The following DCAF8L2 variants were observed in gnomAD, a reference collection of about 807,000 sequenced individuals.
The protein encoded by DCAF8L2 is DDB1- and CUL4-associated factor 8-like protein 2.
For missense variants in DCAF8L2, 430 were observed against 490.7 expected (o/e 0.88, Z 1.17); for synonymous variants, 200 against 190.9 (o/e 1.05, Z -0.39).
chrX:27,692,722 C>G (rs749986568), intron 3 of DCAF8L2, among the ~76,000 whole-genome samples: 1 of 111,456 alleles, frequency 9.0e-6, no homozygotes, highest in African/African-American at 3.3e-5. Flanking sequence ...TATCCTTAAC[C>G]TAGTAGTTTT....
intron 1 of DCAF8L2, among the ~76,000 whole-genome samples, chrX:27,630,526 A>G (rs1339763766): frequency 9.8e-6 from 1 of 102,041 alleles, no homozygotes; most frequent in Admixed American, 1.1e-4. Flanking sequence ...TTATGATACC[A>G]TCATTACATA....
At chrX:27,576,588 T>C in the DCAF8L2 span, among the ~76,000 whole-genome samples, 1 of 111,979 alleles carries the variant, frequency 8.9e-6, no homozygotes, top group Middle Eastern at 4.7e-3. Flanking sequence ...GGCTATATTT[T>C]ATCTCAGCAA....
the DCAF8L2 span, among the ~76,000 whole-genome samples, chrX:27,560,914 T>G: frequency 8.9e-6 from 1 of 112,356 alleles, no homozygotes; most frequent in Non-Finnish European, 1.9e-5. Context: ...TTGCCAAATC[T>G]TATGGCCTAA....
intron 2 of DCAF8L2, among the ~76,000 whole-genome samples, chrX:27,661,612 T>C (rs970412553): frequency 8.9e-6 from 1 of 112,201 alleles, no homozygotes; most frequent in Non-Finnish European, 1.9e-5. Context: ...TATCTAAGTC[T>C]ATATTATTAC....
At chrX:27,737,706 G>A (rs1490196914) in intron 4 of DCAF8L2, among the ~76,000 whole-genome samples, 1 of 84,835 alleles carries the variant, frequency 1.2e-5, no homozygotes, top group African/African-American at 5.0e-5. Context: ...CTAGAATATA[G>A]AGAATCTTTT....
At chrX:27,512,784 A>AC in the DCAF8L2 span, among the ~76,000 whole-genome samples, 11 of 75,936 alleles carry the variant, frequency 1.4e-4, 1 homozygote, top group African/African-American at 5.1e-4. Context: ...TTGAGCAAAA[A>AC]AAAAAAAAAA....
At chrX:27,624,011 A>G (rs765662147) in intron 1 of DCAF8L2, among the ~76,000 whole-genome samples, 21 of 111,900 alleles carry the variant, frequency 1.9e-4, no homozygotes, top group Non-Finnish European at 3.6e-4. Context: ...AACCAATGGA[A>G]TTGGAATTAT....
the DCAF8L2 span, among the ~76,000 whole-genome samples, chrX:27,499,797 G>A: frequency 1.9e-5 from 2 of 106,920 alleles, no homozygotes; most frequent in African/African-American, 3.4e-5. Context: ...GGTCCCACCC[G>A]CAACACTGAG....
intron 4 of DCAF8L2, among the ~76,000 whole-genome samples, chrX:27,726,491 G>A (rs1323383352): frequency 9.1e-6 from 1 of 110,036 alleles, no homozygotes; most frequent in East Asian, 2.9e-4. Context: ...TATGTGTAGA[G>A]CATTAGTTAT....
chrX:27,744,582 T>A (rs971035766), intron 4 of DCAF8L2, among the ~76,000 whole-genome samples: 2 of 111,360 alleles, frequency 1.8e-5, no homozygotes, highest in Non-Finnish European at 3.8e-5. Flanking sequence ...AAAATAAATA[T>A]ATTTTAATGA....
chrX:27,497,505 T>C, the DCAF8L2 span, among the ~76,000 whole-genome samples: 115 of 23,356 alleles, frequency 4.9e-3, no homozygotes, highest in Middle Eastern at 0.016. Flanking sequence ...TTATTCTTTC[T>C]TTCTTTCCTT....
chrX:27,495,204 C>T, the DCAF8L2 span, among the ~76,000 whole-genome samples: 1 of 111,812 alleles, frequency 8.9e-6, no homozygotes, highest in African/African-American at 3.2e-5. Flanking sequence ...TTTGTCAAAA[C>T]TCAGTTGATC....
the DCAF8L2 span, chrX:27,517,891 C>T: frequency 2.7e-6 from 3 of 1,127,807 alleles, no homozygotes. Context: ...GTGCCCAATA[C>T]AACTGGCAGA....
intron 2 of DCAF8L2, among the ~76,000 whole-genome samples, chrX:27,674,587 G>A (rs908800734): frequency 4.5e-5 from 5 of 110,931 alleles, no homozygotes; most frequent in Non-Finnish European, 9.4e-5. Context: ...TGAAGCCGTT[G>A]TACAATAATG....
chrX:27,554,092 T>G, the DCAF8L2 span, among the ~76,000 whole-genome samples: 1 of 111,870 alleles, frequency 8.9e-6, no homozygotes, highest in Non-Finnish European at 1.9e-5. Flanking sequence ...TTAAAAGGTT[T>G]TAAAAGAAGA....
chrX:27,602,030 A>G (rs1926667770), intron 1 of DCAF8L2, among the ~76,000 whole-genome samples: 1 of 111,872 alleles, frequency 8.9e-6, no homozygotes. Context: ...AGATACCAGA[A>G]GAGAAAAAGA....
chrX:27,504,621 C>A, the DCAF8L2 span, among the ~76,000 whole-genome samples: 1 of 111,115 alleles, frequency 9.0e-6, no homozygotes, highest in Non-Finnish European at 1.9e-5. Flanking sequence ...ATTTTTATTG[C>A]ATCCCCCTTG....
intron 2 of DCAF8L2, among the ~76,000 whole-genome samples, chrX:27,655,229 T>C (rs1929308507): frequency 8.9e-6 from 1 of 112,315 alleles, no homozygotes; most frequent in Non-Finnish European, 1.9e-5. Flanking sequence ...CACTTTAACC[T>C]CTCAGTCAGT....
chrX:27,581,743 C>G, the DCAF8L2 span, among the ~76,000 whole-genome samples: 1 of 110,626 alleles, frequency 9.0e-6, no homozygotes, highest in African/African-American at 3.3e-5. Flanking sequence ...CCACCATGCC[C>G]GGCTAATTTT....
Sources: gnomAD v4.1 joint callset for allele counts (sites outside exome capture counted in the v4.1 genomes callset) on GRCh38, gnomAD v4.1.1 for gene constraint, MANE v1.5 for transcripts, NCBI Gene and HGNC (gene_info 2026-07-23, HGNC 2026-07-21) for gene names.